LACRT: variants seen among roughly 807,000 people sequenced by gnomAD.
LACRT encodes lacritin.
In LACRT, 14 loss-of-function variants were observed where a neutral mutation model predicts 14.5. The ratio of observed to expected loss-of-function variants is 0.96; its 90% CI spans 0.64 to 1.51. The LOEUF is 1.51. Ranked by LOEUF, LACRT falls within the 40% of genes most tolerant of loss-of-function variation. The pLI is 0.00. For synonymous variants in LACRT, 70 were observed against 63.5 expected (o/e 1.10, Z -0.48); for missense variants, 156 against 161.8 (o/e 0.96, Z 0.19).
chr12:54,634,702 G>C (rs2121273646), intron 1 of LACRT, 82 bp downstream of exon 1: 1 of 1,256,968 alleles, frequency 8.0e-7, no homozygotes, highest in Non-Finnish European at 1.2e-6. Flanking sequence ...ACTGAGAGAG[G>C]AGGAGAGGGG....
At chr12:54,633,879 T>C (rs1360277924) in intron 1 of LACRT, among the ~76,000 whole-genome samples, 2 of 152,070 alleles carry the variant, frequency 1.3e-5, no homozygotes, top group African/African-American at 2.4e-5. Context: ...TTTTGGGGAA[T>C]TATATGTAAA....
Position 54,630,868 on chromosome 12 carries a change from A to G in LACRT, c.*24T>C, listed in dbSNP as rs779416554. The G allele has an allele frequency of 1.3e-6, 2 of 1,562,278 alleles. No homozygotes were observed. The highest frequency in any genetic ancestry group is 1.8e-6 in the Non-Finnish European group (2 of 1,132,890). ...CAAGGGTATTTAAGGCTTTAAGTCC[A>G]ATGATCCCATTCTTTTCAGCTTCTC... On this transcript the variant is annotated 3_prime_UTR_variant, in exon 5 of 5. Coordinates refer to ENST00000257867, the MANE Select transcript of LACRT (RefSeq NM_033277.2).
chr12:54,633,774 T>C (rs1255575272), intron 1 of LACRT, among the ~76,000 whole-genome samples: 1 of 152,168 alleles, frequency 6.6e-6, no homozygotes, highest in Non-Finnish European at 1.5e-5. Context: ...ACGAAATTAT[T>C]TAATGGCTGG....
Position 54,632,332 on chromosome 12 carries a change from T to G in LACRT, c.162A>C (p.Pro54=). Reference sequence around the variant, plus strand: ...TCTCCTGGGCTGTTGTGGTTGTCTCTGGGGGTGAAGCTGGTTCTGCTGGAC... The same window carrying G: ...TCTCCTGGGCTGTTGTGGTTGTCTCGGGGGGTGAAGCTGGTTCTGCTGGAC... ...ISGPAEPASP[P]ETTTTAQETS... is the part of the protein sequence containing the mutation. The change falls in exon 3 of 5, where the codon CCA becomes CCC. Residue 54 remains proline, a synonymous_variant. Coordinates refer to ENST00000257867, the MANE Select transcript of LACRT (RefSeq NM_033277.2). The G allele has an allele frequency of 6.2e-7, 1 of 1,614,126 alleles. No homozygotes were observed. Among genetic ancestry groups the G allele is most frequent in the Non-Finnish European group, 8.5e-7 (1 of 1,179,996 alleles).
chr12:54,631,000 C>A (rs1958149051), intron 4 of LACRT, 47 bp from the exon 5 acceptor site: 7 of 1,150,056 alleles, frequency 6.1e-6, no homozygotes, highest in South Asian at 2.5e-5. Context: ...CCCCAGGCAC[C>A]AGCTCCACCC....
Position 54,633,239 on chromosome 12 carries a change from A to G in LACRT, c.59-6T>C, listed in dbSNP as rs1041317651. 8.7e-6 allele frequency: 14 copies of G among 1,613,426 alleles called. No individual in the cohort carries two copies. The highest frequency in any genetic ancestry group is 4.0e-5 in the African/African-American group (3 of 74,870). ...CGAGTCAGAGGAGGCATCTTCTGCA[A>G]TGGGGGAAACATGCCAGATGAGAGC... On this transcript the variant is annotated splice_polypyrimidine_tract_variant and splice_region_variant and intron_variant, in intron 1 of 4. Coordinates refer to ENST00000257867, the MANE Select transcript of LACRT (RefSeq NM_033277.2).
At chr12:54,633,562 A>G (rs1159983278) in intron 1 of LACRT, among the ~76,000 whole-genome samples, 1 of 151,802 alleles carries the variant, frequency 6.6e-6, no homozygotes, top group African/African-American at 2.4e-5. Context: ...GAGGGGCTCA[A>G]CCTCCTCTGT....
chr12:54,634,655 G>A, intron 1 of LACRT, 129 bp downstream of exon 1: 1 of 881,828 alleles, frequency 1.1e-6, no homozygotes, highest in Non-Finnish European at 1.9e-6. Flanking sequence ...AGAACTGGGA[G>A]AGGAGTCACT....
intron 3 of LACRT, 70 bp from the exon 4 acceptor site, chr12:54,631,909 C>G: frequency 9.9e-7 from 1 of 1,011,446 alleles, no homozygotes; most frequent in Non-Finnish European, 1.6e-6. Context: ...TGCATTGCCC[C>G]ACCTGCACCC....
chr12:54,634,649 C>A, intron 1 of LACRT, 135 bp downstream of exon 1: 1 of 850,858 alleles, frequency 1.2e-6, no homozygotes, highest in Non-Finnish European at 2.0e-6. Context: ...GTGTGGAGAA[C>A]TGGGAGAGGA....
In LACRT at chr12:54,633,232, T is replaced by A. The variant is rs749705625; in HGVS notation, c.60A>T (p.Glu20Asp). The A allele has an allele frequency of 6.2e-7, 1 of 1,613,702 alleles. No individual in the cohort carries two copies. Among genetic ancestry groups the A allele is most frequent in the Admixed American group, 1.7e-5 (1 of 59,990 alleles). The change falls in exon 2 of 5, where the codon GAA becomes GAT. Residue 20 changes from glutamate (E) to aspartate (D), a missense_variant and splice_region_variant. Glu to Asp is a conservative substitution (Grantham distance 45, BLOSUM62 2). Transcript: ENST00000257867. ...AAVAGALVYA[E>D]DASSDSTGAD... ...CACCCGTCGAGTCAGAGGAGGCATC[T>A]TCTGCAATGGGGGAAACATGCCAGA...
rs146821392 is a variant in LACRT, at chr12:54,633,453, T to G, written c.59-220A>C. On this transcript the variant is annotated intron_variant, in intron 1 of 4. Transcript: ENST00000257867. ...GTGGCTTTTGAAATAACTTCCCCTC[T>G]GAGAAGTGTAATGTCTCTTGGAACA... Among the ~76,000 whole-genome samples, 418 of 152,278 alleles carry G rather than the reference T, an allele frequency of 2.7e-3. 2 individuals carry two copies. The highest frequency in any genetic ancestry group is 9.8e-3 in the African/African-American group (409 of 41,550).
chr12:54,631,395 A>G (rs1316421181), intron 4 of LACRT, among the ~76,000 whole-genome samples: 1 of 152,048 alleles, frequency 6.6e-6, no homozygotes, highest in Non-Finnish European at 1.5e-5. Context: ...ATGTGCCACC[A>G]CGCCTGGCTA....
chr12:54,632,490 GA>G, intron 2 of LACRT, 109 bp from the exon 3 acceptor site: 1 of 1,282,316 alleles, frequency 7.8e-7, no homozygotes, highest in South Asian at 1.3e-5. Flanking sequence ...CCAGGATACA[GA>G]AGTGATATGG....
intron 3 of LACRT, 150 bp from the exon 4 acceptor site, chr12:54,631,989 G>C: frequency 1.5e-6 from 1 of 666,242 alleles, no homozygotes; most frequent in Non-Finnish European, 2.5e-6. Context: ...GTTTTGCTGA[G>C]GGCTCCAGCA....
intron 1 of LACRT, 26 bp downstream of exon 1, chr12:54,634,758 G>A: frequency 1.2e-6 from 2 of 1,607,122 alleles, no homozygotes; most frequent in Non-Finnish European, 1.7e-6. Flanking sequence ...GACTCTTGTG[G>A]GGCGCAGAGG....
intron 1 of LACRT, 66 bp from the exon 2 acceptor site, chr12:54,633,299 C>T (rs1565725081): frequency 7.3e-7 from 1 of 1,364,342 alleles, no homozygotes; most frequent in East Asian, 2.3e-5. Context: ...GCCACCCTCC[C>T]CTCCCATTCC....
chr12:54,630,999 C>G, intron 4 of LACRT, 46 bp from the exon 5 acceptor site: 1 of 1,146,096 alleles, frequency 8.7e-7, no homozygotes, highest in Non-Finnish European at 1.3e-6. Flanking sequence ...ACCCCAGGCA[C>G]CAGCTCCACC....
rs1958147759 is a variant in LACRT at position 54,630,874 on chromosome 12, C to A, written c.*18G>T. 9.5e-6 allele frequency: 15 copies of A among 1,582,242 alleles called. No individual in the cohort carries two copies. Among genetic ancestry groups the A allele is most frequent in the Non-Finnish European group, 1.2e-5 (14 of 1,151,104 alleles). On this transcript the variant is annotated 3_prime_UTR_variant, in exon 5 of 5. Coordinates refer to ENST00000257867, the MANE Select transcript of LACRT (RefSeq NM_033277.2). ...TATTTAAGGCTTTAAGTCCAATGAT[C>A]CCATTCTTTTCAGCTTCTCATGCCC...
Sources: gnomAD v4.1 joint callset for allele counts (sites outside exome capture counted in the v4.1 genomes callset) on GRCh38, gnomAD v4.1.1 for gene constraint, MANE v1.5 for transcripts, NCBI Gene and HGNC (gene_info 2026-07-23, HGNC 2026-07-21) for gene names.